GPR4: variants seen among roughly 807,000 people sequenced by gnomAD.
GPR4 encodes the protein G-prodeshotein coupled receptor 4.
GPR4 carries 11 observed loss-of-function variants against 17.8 expected under a neutral mutation model. The ratio of observed to expected loss-of-function variants is 0.62; its 90% CI spans 0.39 to 1.02. GPR4 has a LOEUF of 1.02. Ranked by LOEUF, GPR4 falls within the 50% of genes least tolerant of loss-of-function variation. The probability of loss-of-function intolerance (pLI) is 0.00; values close to 1 mark genes in which losing one functional copy is unlikely to be tolerated. For synonymous variants in GPR4, 219 were observed against 222.8 expected (o/e 0.98, Z 0.15); for missense variants, 364 against 495.4 (o/e 0.73, Z 2.52).
At chr19:45,594,078 A>ATATATATTTTT (rs1555738344) in intron 1 of GPR4, among the ~76,000 whole-genome samples, 1 of 74,608 alleles carries the variant, frequency 1.3e-5, no homozygotes, top group Admixed American at 1.6e-4. Flanking sequence ...ATATATATAT[A>ATATATATTTTT]TATATATATA....
chr19:45,591,210 C>T lies in GPR4; in HGVS notation c.657G>A (p.Lys219=). 1.2e-6 allele frequency: 2 copies of T among 1,613,544 alleles called. No individual in the cohort carries two copies. Among genetic ancestry groups the T allele is most frequent in the Non-Finnish European group, 1.7e-6 (2 of 1,179,982 alleles). ...TGAGGGCCAGCCGCTTGATCTTGGC[C>T]TTCTCCTGGCGCTCGGTGGACACGC... ...RGSVSTERQE[K]AKIKRLALSL... The change falls in exon 2 of 2, where the codon AAG becomes AAA. Residue 219 remains lysine (K), a synonymous_variant. Coordinates refer to ENST00000323040, the MANE Select transcript of GPR4 (RefSeq NM_005282.3). This position sits in a 1 kb window ranked among gnomAD's most constrained non-coding sequence, Gnocchi z 7.6.
At position 45,591,993 on chromosome 19, in the gene GPR4, G is replaced by A. The variant is rs3745819; in HGVS notation, c.-127C>T. On this transcript the variant is annotated 5_prime_UTR_variant, in exon 2 of 2. Coordinates refer to ENST00000323040, the MANE Select transcript of GPR4 (RefSeq NM_005282.3). The surrounding 1 kb of genome is among the most constrained non-coding windows in gnomAD (Gnocchi z 7.6). ...GCTCAGGGGAACATGGTGGGATGTG[G>A]TCTACAGGGAAGAGATGAGGTTGGG... 3,343 of 1,041,854 alleles carry A rather than the reference G, an allele frequency of 3.2e-3. 128 individuals are homozygous for A. In the East Asian group the frequency reaches 0.075, roughly 23 times the overall value. 64.5% of individuals were successfully genotyped at this position (1,041,854 alleles called of 1,614,324 possible). A position where few individuals can be genotyped will look rare whatever the true frequency, so the allele number is the denominator to read the frequency against.
chr19:45,594,057 AAAAAAAATATATAT>A (rs1970027409), intron 1 of GPR4, among the ~76,000 whole-genome samples: 1 of 36,210 alleles, frequency 2.8e-5, no homozygotes, highest in African/African-American at 2.5e-4. Flanking sequence ...AAAAAAAAAA[AAAAAAAATATATAT>A]ATATATATAT....
At chr19:45,594,063 A>AAAAAAAAT (rs1376607021) in intron 1 of GPR4, among the ~76,000 whole-genome samples, 1 of 36,244 alleles carries the variant, frequency 2.8e-5, no homozygotes, top group Non-Finnish European at 4.6e-5. Flanking sequence ...AAAAAAAAAA[A>AAAAAAAAT]ATATATATAT....
chr19:45,593,469 A>G (rs1232737973), intron 1 of GPR4, among the ~76,000 whole-genome samples: 1 of 151,442 alleles, frequency 6.6e-6, no homozygotes, highest in African/African-American at 2.4e-5. Context: ...ACTGCACTCC[A>G]GCCTGGGCAA....
At chr19:45,600,619 G>A (rs528143244) in intron 1 of GPR4, among the ~76,000 whole-genome samples, 3 of 152,238 alleles carry the variant, frequency 2.0e-5, no homozygotes, top group Non-Finnish European at 4.4e-5. Context: ...GTGGATTTGG[G>A]CTTCAGTTGA....
intron 1 of GPR4, among the ~76,000 whole-genome samples, chr19:45,594,618 C>T (rs1252037248): frequency 1.3e-5 from 2 of 152,168 alleles, no homozygotes; most frequent in Non-Finnish European, 2.9e-5. Flanking sequence ...GTCCAAGGTC[C>T]TGATGTCTAG....
intron 1 of GPR4, among the ~76,000 whole-genome samples, chr19:45,597,107 C>T (rs1047942766): frequency 2.0e-5 from 3 of 151,580 alleles, no homozygotes; most frequent in Non-Finnish European, 2.9e-5. Flanking sequence ...CTTACTCTGT[C>T]GCCCAGGCTG....
intron 1 of GPR4, among the ~76,000 whole-genome samples, chr19:45,597,865 C>T (rs964937810): frequency 1.3e-5 from 2 of 152,068 alleles, no homozygotes; most frequent in East Asian, 1.9e-4. Context: ...AGGGCTGAGT[C>T]GTGCTCAGTA....
chr19:45,594,334 A>G (rs1970035231), intron 1 of GPR4, among the ~76,000 whole-genome samples: 2 of 148,666 alleles, frequency 1.3e-5, no homozygotes, highest in African/African-American at 5.0e-5. Context: ...AGGCAGGATA[A>G]TCGCTTGAAC....
Position 45,591,459 on chromosome 19 carries a change from G to T in GPR4, c.408C>A (p.Ala136=), listed in dbSNP as rs780072441. 1.9e-6 allele frequency: 3 copies of T among 1,608,004 alleles called. No homozygotes were observed. Among genetic ancestry groups the T allele is most frequent in the Non-Finnish European group, 2.5e-6 (3 of 1,178,312 alleles). The change falls in exon 2 of 2, where the codon GCC becomes GCA. Residue 136 remains alanine (A), a synonymous_variant. Coordinates refer to ENST00000323040, the MANE Select transcript of GPR4 (RefSeq NM_005282.3). The surrounding 1 kb of genome is among the most constrained non-coding windows in gnomAD (Gnocchi z 7.6). ...CCGTGGCCCAGACCACGGAGCTCACGGCCACGGCGGTCTTGACGCGGCGCA... is the reference window on the plus strand; with the variant it reads ...CCGTGGCCCAGACCACGGAGCTCACTGCCACGGCGGTCTTGACGCGGCGCA... ...ARLRRVKTAV[A]VSSVVWATEL... is the part of the protein sequence containing the mutation.
At chr19:45,594,061 A>ATAT (rs1319119014) in intron 1 of GPR4, among the ~76,000 whole-genome samples, 8 of 40,102 alleles carry the variant, frequency 2.0e-4, no homozygotes, top group Admixed American at 3.4e-4. Context: ...AAAAAAAAAA[A>ATAT]AAATATATAT....
chr19:45,596,227 G>T (rs1417492796), intron 1 of GPR4, among the ~76,000 whole-genome samples: 1 of 145,372 alleles, frequency 6.9e-6, no homozygotes, highest in African/African-American at 2.5e-5. Context: ...TTTTGAGATG[G>T]AGAGTTTCAC....
chr19:45,596,270 A>G (rs1033898761), intron 1 of GPR4, among the ~76,000 whole-genome samples: 8 of 149,674 alleles, frequency 5.3e-5, no homozygotes, highest in African/African-American at 1.5e-4. Flanking sequence ...CAATGTCCCA[A>G]TCTTGGCTCA....
chr19:45,597,954 T>C (rs1970075028), intron 1 of GPR4, among the ~76,000 whole-genome samples: 1 of 152,174 alleles, frequency 6.6e-6, no homozygotes, highest in Non-Finnish European at 1.5e-5. Context: ...TTGTGGGTCC[T>C]GTGGAGATGG....
intron 1 of GPR4, among the ~76,000 whole-genome samples, chr19:45,600,830 A>G (rs1232589656): frequency 6.6e-6 from 1 of 152,196 alleles, no homozygotes; most frequent in East Asian, 1.9e-4. Flanking sequence ...GGACTCCAGT[A>G]TCCCCAGGAC....
Position 45,591,047 on chromosome 19 carries a change from AAGCCAGTG to A in GPR4, c.812_819del (p.Ser271PhefsTer124). 1 of 1,614,016 alleles carries A rather than the reference AAGCCAGTG, an allele frequency of 6.2e-7. No individual in the cohort carries two copies. Among genetic ancestry groups the A allele is most frequent in the Non-Finnish European group, 8.5e-7 (1 of 1,180,034 alleles). ...TCCGCCACACAGTTGAGGCTGGTGA[AAGCCAGTG>A]AGCTGTGGTATGCAGAAAAGACGCG... On this transcript the variant is annotated frameshift_variant, in exon 2 of 2. Transcript: ENST00000323040. LOFTEE classifies it high-confidence loss of function. The surrounding 1 kb of genome is among the most constrained non-coding windows in gnomAD (Gnocchi z 7.6).
chr19:45,593,528 A>AT (rs1403375016), intron 1 of GPR4, among the ~76,000 whole-genome samples: 2 of 151,130 alleles, frequency 1.3e-5, no homozygotes, highest in African/African-American at 4.9e-5. Context: ...AAAAAAAAGA[A>AT]AAAAAAAAGG....
chr19:45,599,083 CCT>C, intron 1 of GPR4, among the ~76,000 whole-genome samples: 1 of 152,296 alleles, frequency 6.6e-6, no homozygotes, highest in South Asian at 2.1e-4. Context: ...AGAAGCTCCC[CCT>C]GTCTGTCCCA....
Sources: allele counts gnomAD v4.1 joint callset (sites outside exome capture counted in the v4.1 genomes callset), GRCh38; gene constraint gnomAD v4.1.1; non-coding constraint Gnocchi (gnomAD v3.1); transcripts MANE v1.5; gene names NCBI Gene and HGNC (gene_info 2026-07-23, HGNC 2026-07-21).